Variants in PHF24 observed in about 807,000 individuals in gnomAD.
PHF24 encodes PHD finger protein 24, also known as Galpha inhibitory interacting protein.
A neutral mutation model predicts 42.6 loss-of-function variants in PHF24; 25 were observed. The ratio of observed to expected loss-of-function variants is 0.59; its 90% CI spans 0.43 to 0.82. The LOEUF (loss-of-function observed/expected upper bound fraction) is 0.82, where lower values mean the gene tolerates loss of function less well. Among genes scored for constraint, PHF24 ranks in the 40% least tolerant of loss-of-function variants. The pLI is 0.00. For synonymous variants in PHF24, 185 were observed against 204.8 expected, an observed-to-expected ratio of 0.90 and a Z score of 0.83; for missense variants, 470 against 538.1, an observed-to-expected ratio of 0.87 and a Z score of 1.25.
chr9:34,874,482 G>T, the PHF24 span, among the ~76,000 whole-genome samples: 1 of 152,120 alleles, frequency 6.6e-6, no homozygotes, highest in Non-Finnish European at 1.5e-5. Flanking sequence ...GCCTGCCCAG[G>T]ATCTAACCAA....
chr9:34,770,857 T>C, the PHF24 span, among the ~76,000 whole-genome samples: 3 of 152,112 alleles, frequency 2.0e-5, no homozygotes, highest in Non-Finnish European at 2.9e-5. Context: ...CTCATACCTA[T>C]AATCCCAGCA....
the PHF24 span, among the ~76,000 whole-genome samples, chr9:34,827,757 C>A: frequency 6.6e-6 from 1 of 152,156 alleles, no homozygotes; most frequent in Admixed American, 6.5e-5. Flanking sequence ...ATGTCCCTCC[C>A]ATCTTCTCAG....
chr9:34,891,840 C>T, the PHF24 span, among the ~76,000 whole-genome samples: 1 of 152,220 alleles, frequency 6.6e-6, no homozygotes, highest in Admixed American at 6.5e-5. Flanking sequence ...GCAAACTCCA[C>T]TGAAGCTGGA....
At chr9:34,907,900 T>C in the PHF24 span, among the ~76,000 whole-genome samples, 1 of 152,140 alleles carries the variant, frequency 6.6e-6, no homozygotes, top group Non-Finnish European at 1.5e-5. Flanking sequence ...TGAAGTGCAG[T>C]GGCATGATCT....
chr9:34,892,770 C>A, the PHF24 span: 1 of 561,548 alleles, frequency 1.8e-6, no homozygotes, highest in Non-Finnish European at 3.2e-6. Flanking sequence ...TGGGACACAG[C>A]TGGGACTTGA....
chr9:34,804,657 G>A, the PHF24 span, among the ~76,000 whole-genome samples: 109 of 152,282 alleles, frequency 7.2e-4, no homozygotes, highest in Non-Finnish European at 1.2e-3. Flanking sequence ...CAGTTTTGGG[G>A]TATGAATGTA....
the PHF24 span, among the ~76,000 whole-genome samples, chr9:34,775,759 A>G: frequency 3.5e-4 from 53 of 152,328 alleles, 1 homozygote; most frequent in South Asian, 0.011. Flanking sequence ...TATTCGCCCA[A>G]GAGAAATGAA....
intron 4 of PHF24, 114 bp downstream of exon 4, chr9:34,976,344 G>A: frequency 6.7e-6 from 7 of 1,040,612 alleles, no homozygotes; most frequent in Non-Finnish European, 1.0e-5. Context: ...GAGGGTAAAT[G>A]AGTCCTTGTT....
At chr9:34,792,442 G>A in the PHF24 span, among the ~76,000 whole-genome samples, 63 of 152,214 alleles carry the variant, frequency 4.1e-4, no homozygotes, top group African/African-American at 1.2e-3. Flanking sequence ...AGGCTGAGGC[G>A]GGCAGATCAC....
the PHF24 span, among the ~76,000 whole-genome samples, chr9:34,830,707 TG>T: frequency 6.6e-6 from 1 of 152,114 alleles, no homozygotes; most frequent in East Asian, 1.9e-4. Context: ...AGGAACATCT[TG>T]GTATGGCAAG....
the PHF24 span, among the ~76,000 whole-genome samples, chr9:34,701,562 G>C: frequency 1.3e-5 from 2 of 152,108 alleles, no homozygotes; most frequent in Non-Finnish European, 2.9e-5. The surrounding 1 kb of genome is among the most constrained non-coding windows in gnomAD (Gnocchi z 5.8). Context: ...TGCGGTGAGC[G>C]GGCGTCCGAA....
At chr9:34,813,126 A>G in the PHF24 span, among the ~76,000 whole-genome samples, 1 of 152,136 alleles carries the variant, frequency 6.6e-6, no homozygotes, top group African/African-American at 2.4e-5. Flanking sequence ...AGATTTCTTT[A>G]TAGGATGAGC....
chr9:34,706,467 CT>C, the PHF24 span, among the ~76,000 whole-genome samples: 1 of 152,016 alleles, frequency 6.6e-6, no homozygotes, highest in South Asian at 2.1e-4. Flanking sequence ...CCTTTTGGTA[CT>C]TTTGGATATA....
chr9:34,749,769 C>T, the PHF24 span, among the ~76,000 whole-genome samples: 1 of 151,628 alleles, frequency 6.6e-6, no homozygotes, highest in African/African-American at 2.4e-5. Context: ...GCTCTCCCTC[C>T]CCTTGCCCCC....
intron 1 of PHF24, among the ~76,000 whole-genome samples, chr9:34,959,662 C>T (rs1321715487): frequency 1.3e-5 from 2 of 152,050 alleles, no homozygotes; most frequent in Non-Finnish European, 2.9e-5. Context: ...CCACAGAATC[C>T]CCAGATTTCA....
At chr9:34,954,038 G>C (rs545481183), upstream of PHF24, among the ~76,000 whole-genome samples, 3 of 152,054 alleles carry the variant, frequency 2.0e-5, no homozygotes, top group East Asian at 5.8e-4. Flanking sequence ...AGATGGGCAC[G>C]GTGTCTCACA....
At chr9:34,796,120 AT>A in the PHF24 span, among the ~76,000 whole-genome samples, 11 of 151,786 alleles carry the variant, frequency 7.2e-5, no homozygotes, top group Non-Finnish European at 1.5e-5. Context: ...TGAACAAAGG[AT>A]TTTTTTCCAT....
chr9:34,875,948 A>ACTCTCTCTCTCTCT, the PHF24 span, among the ~76,000 whole-genome samples: 1 of 79,828 alleles, frequency 1.3e-5, no homozygotes, highest in Non-Finnish European at 2.4e-5. Flanking sequence ...ACACACACAC[A>ACTCTCTCTCTCTCT]CACTCTCTCT....
At chr9:34,768,985 A>T in the PHF24 span, among the ~76,000 whole-genome samples, 35 of 152,208 alleles carry the variant, frequency 2.3e-4, no homozygotes, top group Non-Finnish European at 4.3e-4. Context: ...ACTTTTGTGT[A>T]TACAAATGAC....
Sources: gnomAD v4.1 joint callset for allele counts (sites outside exome capture counted in the v4.1 genomes callset) on GRCh38, gnomAD v4.1.1 for gene constraint, Gnocchi (gnomAD v3.1) non-coding constraint, MANE v1.5 for transcripts, NCBI Gene and HGNC (gene_info 2026-07-23, HGNC 2026-07-21) for gene names.